The following PRUNE2 variants were observed in gnomAD, a reference collection of about 807,000 sequenced individuals.
PRUNE2 encodes protein prune homolog 2.
PRUNE2 carries 164 observed loss-of-function variants against 252.0 expected under a neutral mutation model. The observed-to-expected ratio is 0.65, with a 90% CI of 0.57 to 0.74. The LOEUF is 0.74. Ranked by LOEUF, PRUNE2 falls within the 30% of genes least tolerant of loss-of-function variation. PRUNE2 has a pLI of 0.00. For synonymous variants in PRUNE2, 1,292 were observed against 1,350.2 expected, an observed-to-expected ratio of 0.96 and a Z score of 0.94; for missense variants, 3,495 against 3,711.0, an observed-to-expected ratio of 0.94 and a Z score of 1.51.
chr9:76,883,645 C>G (rs1037886592), intron 1 of PRUNE2, among the ~76,000 whole-genome samples: 43 of 152,184 alleles, frequency 2.8e-4, no homozygotes, highest in African/African-American at 1.0e-3. Flanking sequence ...AGAGGAATTT[C>G]AGACACAAGG....
At chr9:76,736,135 AGTGT>A (rs10536918) in intron 6 of PRUNE2, among the ~76,000 whole-genome samples, 2,542 of 149,298 alleles carry the variant, frequency 0.017, 50 homozygotes, top group African/African-American at 0.056. Context: ...GGTTTGTGTG[AGTGT>A]GTGTGTGTGT....
intron 1 of PRUNE2, among the ~76,000 whole-genome samples, chr9:76,865,134 A>G (rs1395105343): frequency 6.6e-6 from 1 of 152,194 alleles, no homozygotes; most frequent in Non-Finnish European, 1.5e-5. Flanking sequence ...AGTGCACCTC[A>G]GTGTTAGAGA....
chr9:76,780,570 A>G (rs973838036), intron 6 of PRUNE2, among the ~76,000 whole-genome samples: 2 of 152,082 alleles, frequency 1.3e-5, no homozygotes, highest in Non-Finnish European at 2.9e-5. Flanking sequence ...GGGTGCCTGT[A>G]GTCCCAGCTA....
chr9:76,903,277 G>A (rs1028488991), intron 1 of PRUNE2, among the ~76,000 whole-genome samples: 1 of 151,978 alleles, frequency 6.6e-6, no homozygotes, highest in Non-Finnish European at 1.5e-5. Context: ...CAATGATGAT[G>A]AGGTTATGTT....
At chr9:76,676,671 C>G (rs1224658079) in intron 9 of PRUNE2, among the ~76,000 whole-genome samples, 2 of 152,066 alleles carry the variant, frequency 1.3e-5, no homozygotes, top group Non-Finnish European at 2.9e-5. Context: ...TATTAAGATT[C>G]TATGCACTTC....
At chr9:76,752,453 G>A (rs1431028579) in intron 6 of PRUNE2, among the ~76,000 whole-genome samples, 1 of 152,080 alleles carries the variant, frequency 6.6e-6, no homozygotes, top group African/African-American at 2.4e-5. Flanking sequence ...TACAAAGCCG[G>A]GGATTGAACA....
chr9:76,743,161 G>A (rs781057321), intron 6 of PRUNE2, among the ~76,000 whole-genome samples: 1 of 152,154 alleles, frequency 6.6e-6, no homozygotes, highest in Non-Finnish European at 1.5e-5. Flanking sequence ...TAAGTTTCTT[G>A]AGGACTTCCC....
intron 10 of PRUNE2, among the ~76,000 whole-genome samples, chr9:76,653,229 G>C (rs954848406): frequency 1.3e-5 from 2 of 151,966 alleles, no homozygotes; most frequent in Non-Finnish European, 2.9e-5. Context: ...ATTTTCACGG[G>C]GTATACTGCA....
In PRUNE2 at chr9:76,705,998, G is replaced by A. The variant is rs773266274; in HGVS notation, c.6276C>T (p.His2092=). The change falls in exon 8 of 19, where the codon CAC becomes CAT. Residue 2092 remains histidine, a synonymous_variant. Coordinates refer to ENST00000376718, the MANE Select transcript of PRUNE2 (RefSeq NM_015225.3). The part of the protein sequence containing the change: ...ADGENPDILT[H]CEHDSNSQAS... ...CCTGAGAATTGCTGTCATGTTCGCA[G>A]TGCGTCAGGATATCAGGATTCTCAC... is the stretch of plus-strand genomic sequence containing the variant. 6.2e-7 allele frequency: 1 copy of A among 1,613,914 alleles called. No individual in the cohort carries two copies. The highest frequency in any genetic ancestry group is 1.3e-5 in the African/African-American group (1 of 74,936).
chr9:76,863,210 T>C (rs1356659772), intron 1 of PRUNE2: 2 of 152,208 alleles, frequency 1.3e-5, no homozygotes, highest in African/African-American at 4.8e-5. Flanking sequence ...CTTAAATTTC[T>C]GGGTCAAAGA....
intron 1 of PRUNE2, among the ~76,000 whole-genome samples, chr9:76,879,903 ATTTTTTTTTT>A (rs71354691): frequency 1.3e-4 from 4 of 31,002 alleles, no homozygotes; most frequent in African/African-American, 1.8e-4. Context: ...ATATATATAT[ATTTTTTTTTT>A]TTTTTTTTTT....
intron 16 of PRUNE2, chr9:76,628,003 T>A: frequency 5.3e-6 from 1 of 188,064 alleles, no homozygotes; most frequent in African/African-American, 2.4e-5. Context: ...GACTCTTTTT[T>A]GGAATCCCAA....
At chr9:76,880,323 G>C (rs1385921595) in intron 1 of PRUNE2, among the ~76,000 whole-genome samples, 1 of 152,174 alleles carries the variant, frequency 6.6e-6, no homozygotes, top group Non-Finnish European at 1.5e-5. Flanking sequence ...TCAGACCGCA[G>C]GGGGGTCCCT....
intron 6 of PRUNE2, chr9:76,786,744 A>G (rs558660173): frequency 2.0e-4 from 30 of 152,282 alleles, no homozygotes; most frequent in African/African-American, 6.3e-4. Context: ...ATTGCTTTAG[A>G]TGAACATTAG....
chr9:76,710,394 G>A lies in PRUNE2; in HGVS notation c.1880C>T (p.Ala627Val). Reference sequence around the variant, plus strand: ...GGTCATATCTTCTGTATAGAGTGAGGCTGGTTCTTCAGTGGATGGCGAGCT... The same window carrying A: ...GGTCATATCTTCTGTATAGAGTGAGACTGGTTCTTCAGTGGATGGCGAGCT... ...VESSPSTEEP[A>V]SLYTEDMTQK... The change falls in exon 8 of 19, where the codon GCC becomes GTC. Residue 627 changes from alanine (A) to valine (V), a missense_variant. By Grantham distance (64) the Ala-to-Val change is moderately conservative. Coordinates refer to ENST00000376718, the MANE Select transcript of PRUNE2 (RefSeq NM_015225.3). 6 of 1,613,974 alleles carry A rather than the reference G, an allele frequency of 3.7e-6. No homozygotes were observed. Among genetic ancestry groups the A allele is most frequent in the Non-Finnish European group, 5.1e-6 (6 of 1,179,870 alleles).
chr9:76,859,489 G>A (rs1269219015), intron 1 of PRUNE2, among the ~76,000 whole-genome samples: 1 of 151,902 alleles, frequency 6.6e-6, no homozygotes, highest in African/African-American at 2.4e-5. Flanking sequence ...TAGAAGCAAG[G>A]TTGCTGCTGC....
intron 9 of PRUNE2, among the ~76,000 whole-genome samples, chr9:76,697,996 A>G (rs2045545931): frequency 6.6e-6 from 1 of 152,110 alleles, no homozygotes; most frequent in Non-Finnish European, 1.5e-5. Context: ...AGCAAGAGAG[A>G]AGAAGGAAAT....
intron 1 of PRUNE2, among the ~76,000 whole-genome samples, chr9:76,883,945 C>A (rs906387204): frequency 1.3e-5 from 2 of 152,174 alleles, no homozygotes; most frequent in African/African-American, 4.8e-5. Context: ...ACATGCTTAG[C>A]CCAGTGCCTG....
In PRUNE2 at chr9:76,636,356, A is replaced by G. The variant is rs1840060594; in HGVS notation, c.9050+115T>C. 6.0e-6 allele frequency: 4 copies of G among 667,880 alleles called. No homozygotes were observed. The East Asian group carries it at 1.1e-4, about 19-fold the overall frequency. The allele number at this position is 667,880 out of a possible 1,614,324, so 41.4% of individuals were successfully genotyped here. On this transcript the variant is annotated intron_variant, in intron 15 of 18. Coordinates refer to ENST00000376718, the MANE Select transcript of PRUNE2 (RefSeq NM_015225.3). ...AAGCACCTTTCTAGGAAAGACAGAG[A>G]CAAATATATTTCCCTGGGTACTCTT... is the stretch of plus-strand genomic sequence containing the variant.
Sources: allele counts gnomAD v4.1 joint callset (sites outside exome capture counted in the v4.1 genomes callset), GRCh38; gene constraint gnomAD v4.1.1; transcripts MANE v1.5; gene names NCBI Gene and HGNC (gene_info 2026-07-23, HGNC 2026-07-21).